The following CCDC178 variants were observed in gnomAD, a reference collection of about 807,000 sequenced individuals.
The protein encoded by CCDC178 is coiled-coil domain-containing protein 178.
In CCDC178, 126 loss-of-function variants were observed where a neutral mutation model predicts 117.4. That is an observed-to-expected ratio of 1.07 (90% CI 0.93 to 1.24). CCDC178 has a LOEUF of 1.24. CCDC178 is among the 50% of genes most tolerant of loss of function. CCDC178 has a pLI of 0.00. For synonymous variants in CCDC178, 283 were observed against 313.4 expected (o/e 0.90, Z 1.02); for missense variants, 1,030 against 986.9 (o/e 1.04, Z -0.59).
chr18:33,373,034 G>A (rs2063321013), intron 5 of CCDC178, among the ~76,000 whole-genome samples: 1 of 152,064 alleles, frequency 6.6e-6, no homozygotes, highest in African/African-American at 2.4e-5. Flanking sequence ...CAGTGCTCTT[G>A]AGGTTAAAAA....
At chr18:33,048,231 C>T (rs566427606) in intron 21 of CCDC178, among the ~76,000 whole-genome samples, 66 of 152,126 alleles carry the variant, frequency 4.3e-4, no homozygotes, top group Non-Finnish European at 5.9e-4. Context: ...GACTTTTAGT[C>T]TACAGAACTG....
chr18:33,114,786 A>C (rs536517272), intron 20 of CCDC178, among the ~76,000 whole-genome samples: 4 of 152,242 alleles, frequency 2.6e-5, no homozygotes, highest in Non-Finnish European at 5.9e-5. Context: ...TCATTCTTCT[A>C]ATAGGACAGA....
intron 20 of CCDC178, among the ~76,000 whole-genome samples, chr18:33,146,021 A>T (rs1229105777): frequency 2.0e-5 from 3 of 152,190 alleles, no homozygotes; most frequent in Non-Finnish European, 4.4e-5. Context: ...CAAAAAACTA[A>T]CTAAATTAAA....
intron 12 of CCDC178, among the ~76,000 whole-genome samples, chr18:33,283,946 C>T (rs569660430): frequency 2.0e-5 from 3 of 152,318 alleles, no homozygotes; most frequent in African/African-American, 7.2e-5. Context: ...TTAAAATACA[C>T]ATGTGTACGT....
intron 21 of CCDC178, among the ~76,000 whole-genome samples, chr18:33,042,690 C>T (rs2056571602): frequency 6.6e-6 from 1 of 151,884 alleles, no homozygotes; most frequent in Admixed American, 6.6e-5. Context: ...GTGAATTTTA[C>T]TATTTTTAGA....
intron 5 of CCDC178, among the ~76,000 whole-genome samples, chr18:33,388,678 C>A (rs1241753319): frequency 6.7e-6 from 1 of 150,084 alleles, no homozygotes; most frequent in East Asian, 2.0e-4. Context: ...CGCCACTACG[C>A]CCGGCTAATT....
At chr18:33,359,193 T>C (rs1345371726) in intron 6 of CCDC178, among the ~76,000 whole-genome samples, 1 of 151,794 alleles carries the variant, frequency 6.6e-6, no homozygotes. Flanking sequence ...CTCAACAAGT[T>C]AGTAATAATT....
At chr18:33,056,163 T>C (rs774820595) in intron 21 of CCDC178, among the ~76,000 whole-genome samples, 3 of 152,184 alleles carry the variant, frequency 2.0e-5, no homozygotes, top group Non-Finnish European at 4.4e-5. Context: ...CACATGCTTA[T>C]GCTACTTACT....
At chr18:32,955,195 C>T (rs1236617258) in intron 22 of CCDC178, among the ~76,000 whole-genome samples, 1 of 152,164 alleles carries the variant, frequency 6.6e-6, no homozygotes, top group Non-Finnish European at 1.5e-5. Context: ...ACATCAATTT[C>T]CACTCCTCTG....
At chr18:33,227,546 G>A (rs917045603) in intron 15 of CCDC178, among the ~76,000 whole-genome samples, 38 of 73,192 alleles carry the variant, frequency 5.2e-4, no homozygotes, top group African/African-American at 1.5e-3. Context: ...GTGTGTGTGT[G>A]TGTGTGTGTG....
chr18:32,966,043 A>G (rs2054807111), intron 22 of CCDC178, among the ~76,000 whole-genome samples: 1 of 150,966 alleles, frequency 6.6e-6, no homozygotes. Context: ...CCCTCAGTGT[A>G]CCTTAACACT....
intron 11 of CCDC178, among the ~76,000 whole-genome samples, chr18:33,294,707 TC>T (rs2062084444): frequency 1.3e-5 from 2 of 152,310 alleles, no homozygotes; most frequent in South Asian, 4.1e-4. Context: ...TTAGATAGCC[TC>T]AACATTCAAA....
chr18:33,042,989 T>G (rs890722033), intron 21 of CCDC178, among the ~76,000 whole-genome samples: 4 of 151,990 alleles, frequency 2.6e-5, no homozygotes, highest in Non-Finnish European at 5.9e-5. Context: ...TATATGTATA[T>G]TTTATAAACA....
chr18:33,156,051 T>C (rs1340368159), intron 20 of CCDC178, among the ~76,000 whole-genome samples: 1 of 150,432 alleles, frequency 6.6e-6, no homozygotes, highest in Non-Finnish European at 1.5e-5. Flanking sequence ...ATACAGAGCA[T>C]GTTGACAGAT....
At chr18:33,233,500 G>A (rs1383698032) in intron 15 of CCDC178, among the ~76,000 whole-genome samples, 1 of 151,910 alleles carries the variant, frequency 6.6e-6, no homozygotes, top group African/African-American at 2.4e-5. Context: ...TATGTTCAAC[G>A]TGTTGTTTAG....
At chr18:33,421,641 C>T (rs760909263) in intron 2 of CCDC178, among the ~76,000 whole-genome samples, 2 of 152,184 alleles carry the variant, frequency 1.3e-5, no homozygotes, top group African/African-American at 2.4e-5. Flanking sequence ...ACAGGACAAG[C>T]GCTGTATCAT....
chr18:33,280,972 G>T (rs939404043), intron 12 of CCDC178, among the ~76,000 whole-genome samples: 2 of 152,100 alleles, frequency 1.3e-5, no homozygotes, highest in African/African-American at 4.8e-5. Flanking sequence ...GCGCGGGGGA[G>T]CGATAGCATT....
intron 20 of CCDC178, among the ~76,000 whole-genome samples, chr18:33,101,915 AAAGC>A (rs2057633781): frequency 6.6e-6 from 1 of 151,968 alleles, no homozygotes; most frequent in Non-Finnish European, 1.5e-5. Flanking sequence ...GTTAATTTTG[AAAGC>A]ACTTTATATA....
chr18:33,101,780 G>T (rs1387072963), intron 20 of CCDC178, among the ~76,000 whole-genome samples: 1 of 151,800 alleles, frequency 6.6e-6, no homozygotes, highest in Non-Finnish European at 1.5e-5. Context: ...TGATCTAAGG[G>T]GTTCCAGAAC....
Sources: gnomAD v4.1 joint callset for allele counts (sites outside exome capture counted in the v4.1 genomes callset) on GRCh38, gnomAD v4.1.1 for gene constraint, MANE v1.5 for transcripts, NCBI Gene and HGNC (gene_info 2026-07-23, HGNC 2026-07-21) for gene names.